The following MACROD2 variants were observed in gnomAD, a reference collection of about 807,000 sequenced individuals.
MACROD2 encodes the protein ADP-ribose glycohydrolase MACROD2.
A neutral mutation model predicts 70.4 loss-of-function variants in MACROD2; 36 were observed. The ratio of observed to expected loss-of-function variants is 0.51; its 90% CI spans 0.39 to 0.68. The LOEUF is 0.68. Among genes scored for constraint, MACROD2 ranks in the 30% least tolerant of loss-of-function variants. The pLI, the probability that MACROD2 is intolerant of heterozygous loss-of-function variation, is 0.00. For synonymous variants in MACROD2, 172 were observed against 178.8 expected (o/e 0.96, Z 0.30); for missense variants, 496 against 538.4 (o/e 0.92, Z 0.78).
At chr20:15,635,313 A>G (rs1356756633) in intron 8 of MACROD2, among the ~76,000 whole-genome samples, 2 of 152,208 alleles carry the variant, frequency 1.3e-5, no homozygotes, top group Admixed American at 6.5e-5. Flanking sequence ...AAGCTAACGA[A>G]TGGCAAAACC....
At chr20:15,945,857 G>T (rs1006398302) in intron 12 of MACROD2, among the ~76,000 whole-genome samples, 1 of 152,120 alleles carries the variant, frequency 6.6e-6, no homozygotes, top group Non-Finnish European at 1.5e-5. Flanking sequence ...GCTGCCTCCC[G>T]TATCATGAAT....
chr20:14,353,291 A>T (rs1055214699), intron 3 of MACROD2, among the ~76,000 whole-genome samples: 1 of 152,140 alleles, frequency 6.6e-6, no homozygotes, highest in African/African-American at 2.4e-5. Context: ...ATAATTACTC[A>T]TCTGTTATAA....
chr20:15,838,696 C>T (rs1266500463), intron 8 of MACROD2, among the ~76,000 whole-genome samples: 1 of 152,152 alleles, frequency 6.6e-6, no homozygotes, highest in African/African-American at 2.4e-5. Context: ...TTGGATCCCA[C>T]ACGCACAAAA....
chr20:15,200,500 C>T (rs2076646662), intron 5 of MACROD2, among the ~76,000 whole-genome samples: 1 of 152,156 alleles, frequency 6.6e-6, no homozygotes, highest in Non-Finnish European at 1.5e-5. Context: ...AATGGCTAAG[C>T]AACATGTGCC....
At chr20:14,843,930 C>T (rs1158138224) in intron 5 of MACROD2, among the ~76,000 whole-genome samples, 1 of 152,130 alleles carries the variant, frequency 6.6e-6, no homozygotes, top group Non-Finnish European at 1.5e-5. Flanking sequence ...CCAAGCCCTA[C>T]ACCCCTGTGG....
At chr20:15,279,341 G>A (rs778935240) in intron 6 of MACROD2, among the ~76,000 whole-genome samples, 3 of 152,058 alleles carry the variant, frequency 2.0e-5, no homozygotes, top group Admixed American at 6.5e-5. Flanking sequence ...CAGGAAAGCC[G>A]GGCTGCTTGG....
intron 4 of MACROD2, among the ~76,000 whole-genome samples, chr20:14,630,104 C>T (rs1984426094): frequency 6.6e-6 from 1 of 152,132 alleles, no homozygotes; most frequent in Admixed American, 6.6e-5. Flanking sequence ...GATTTCCTGG[C>T]TGTAAAGTGG....
At chr20:14,834,031 T>A (rs921362078) in intron 5 of MACROD2, among the ~76,000 whole-genome samples, 3 of 152,028 alleles carry the variant, frequency 2.0e-5, no homozygotes, top group Non-Finnish European at 4.4e-5. Context: ...TCCCTAAAGA[T>A]ACCCATCAAG....
chr20:14,931,828 A>G (rs6043005), intron 5 of MACROD2, among the ~76,000 whole-genome samples: 21,653 of 130,694 alleles, frequency 0.17, 1,713 homozygotes, highest in South Asian at 0.27. Context: ...CAAGACCCCC[A>G]TCTCTTAAAA....
At chr20:15,602,222 G>A (rs1375094355) in intron 8 of MACROD2, among the ~76,000 whole-genome samples, 3 of 152,154 alleles carry the variant, frequency 2.0e-5, no homozygotes, top group South Asian at 2.1e-4. Context: ...AAAGCCCGAG[G>A]TTGTATCCGC....
chr20:15,223,950 G>A (rs1161783432), intron 5 of MACROD2, among the ~76,000 whole-genome samples: 1 of 152,128 alleles, frequency 6.6e-6, no homozygotes, highest in Non-Finnish European at 1.5e-5. Flanking sequence ...TGGTACACTT[G>A]CTCTTAGAGC....
intron 3 of MACROD2, among the ~76,000 whole-genome samples, chr20:14,182,974 G>A (rs2081316636): frequency 6.6e-6 from 1 of 151,062 alleles, no homozygotes; most frequent in African/African-American, 2.4e-5. Flanking sequence ...AATATATCTA[G>A]TTAATTTTAA....
intron 3 of MACROD2, among the ~76,000 whole-genome samples, chr20:14,369,329 G>A (rs1440023096): frequency 2.0e-5 from 3 of 152,178 alleles, no homozygotes; most frequent in Non-Finnish European, 4.4e-5. Flanking sequence ...GCTTCCTCCA[G>A]AACCAAGGAC....
Position 13,995,582 on chromosome 20 carries a change from C to G in MACROD2, c.-182C>G. The G allele has an allele frequency of 1.5e-6, 1 of 678,670 alleles. No individual in the cohort carries two copies. Among genetic ancestry groups the G allele is most frequent in the Non-Finnish European group, 2.7e-6 (1 of 370,922 alleles). The allele number at this position is 678,670 out of a possible 1,614,324, so 42.0% of individuals were successfully genotyped here. ...GAGGCGGGTGGGAGCCGGAGCCGAG[C>G]GCGGGCTGAGGGAGGAGGGCGGCGA... On this transcript the variant is annotated 5_prime_UTR_variant, in exon 1 of 18. Transcript: ENST00000684519. This position sits in a 1 kb window ranked among gnomAD's most constrained non-coding sequence, Gnocchi z 4.3.
In MACROD2 at chr20:14,203,309, A is replaced by G. The variant is rs558674878; in HGVS notation, c.271+117581A>G. Among the ~76,000 whole-genome samples the G allele has an allele frequency of 2.8e-4, 42 of 151,940 alleles. No homozygotes were observed. The South Asian group carries it at 3.5e-3, about 13-fold the overall frequency. On this transcript the variant is annotated intron_variant, in intron 3 of 17. Coordinates refer to ENST00000684519, the MANE Select transcript of MACROD2 (RefSeq NM_001351661.2). Reference sequence around the variant, plus strand: ...TGAATTGTTTTCCTGATGTCTTTGCATTATTTATCTGTGTTCTCTTGTATC... The same window carrying G: ...TGAATTGTTTTCCTGATGTCTTTGCGTTATTTATCTGTGTTCTCTTGTATC...
At chr20:15,034,698 G>A (rs917523444) in intron 5 of MACROD2, among the ~76,000 whole-genome samples, 1 of 152,102 alleles carries the variant, frequency 6.6e-6, no homozygotes, top group Non-Finnish European at 1.5e-5. Context: ...AATACTCATA[G>A]GCACATAATT....
At chr20:14,397,634 G>A (rs1237856352) in intron 3 of MACROD2, among the ~76,000 whole-genome samples, 3 of 151,906 alleles carry the variant, frequency 2.0e-5, no homozygotes, top group South Asian at 2.1e-4. Context: ...CATAATAATT[G>A]TACATATTTA....
At chr20:14,228,521 T>C (rs2081767272) in intron 3 of MACROD2, among the ~76,000 whole-genome samples, 1 of 151,948 alleles carries the variant, frequency 6.6e-6, no homozygotes, top group Admixed American at 6.6e-5. Flanking sequence ...TATTTTAGTA[T>C]AGTCTTAACT....
intron 5 of MACROD2, among the ~76,000 whole-genome samples, chr20:15,083,568 AGTTT>A (rs1178798724): frequency 1.3e-5 from 2 of 151,288 alleles, no homozygotes; most frequent in Admixed American, 6.6e-5. Flanking sequence ...AACTATAATC[AGTTT>A]ATTTTCCCTC....
Sources: gnomAD v4.1 joint callset for allele counts (sites outside exome capture counted in the v4.1 genomes callset) on GRCh38, gnomAD v4.1.1 for gene constraint, Gnocchi (gnomAD v3.1) non-coding constraint, MANE v1.5 for transcripts, NCBI Gene and HGNC (gene_info 2026-07-23, HGNC 2026-07-21) for gene names.